The following GOLGA1 variants were observed in gnomAD, a reference collection of about 807,000 sequenced individuals.
The protein encoded by GOLGA1 is golgin A1.
Under a neutral mutation model 119.7 loss-of-function variants are expected in GOLGA1, and 63 were observed. The observed-to-expected ratio is 0.53, with a 90% CI of 0.43 to 0.65. GOLGA1 has a LOEUF of 0.65. Among genes scored for constraint, GOLGA1 ranks in the 30% least tolerant of loss-of-function variants. The probability of loss-of-function intolerance (pLI) is 0.00; values close to 1 mark genes in which losing one functional copy is unlikely to be tolerated. For synonymous variants in GOLGA1, 318 were observed against 333.4 expected (o/e 0.95, Z 0.50); for missense variants, 798 against 912.8 (o/e 0.87, Z 1.62).
chr9:124,931,432 C>A lies in GOLGA1; in HGVS notation c.136-26G>T. 4 of 1,133,752 alleles carry A rather than the reference C, an allele frequency of 3.5e-6. No homozygotes were observed. In the South Asian group the frequency reaches 4.9e-5, roughly 14 times the overall value. 70.2% of individuals were successfully genotyped at this position (1,133,752 alleles called of 1,614,324 possible). On this transcript the variant is annotated intron_variant, in intron 3 of 22. Coordinates refer to ENST00000373555, the MANE Select transcript of GOLGA1 (RefSeq NM_002077.4). ...CTGTTGAGGTAGACACAAGGAAGGT[C>A]GTATTCATATATGTGTGAGACCACA...
At chr9:124,923,956 A>T (rs942934842) in intron 7 of GOLGA1, among the ~76,000 whole-genome samples, 1 of 152,180 alleles carries the variant, frequency 6.6e-6, no homozygotes, top group African/African-American at 2.4e-5. Flanking sequence ...CCCAGGTTGA[A>T]GTGATTTTCA....
intron 19 of GOLGA1, among the ~76,000 whole-genome samples, chr9:124,883,410 CA>C (rs1223757134): frequency 1.3e-5 from 2 of 152,130 alleles, no homozygotes; most frequent in African/African-American, 4.8e-5. Context: ...CTCAGCCTCC[CA>C]AGTAGCTGGG....
At chr9:124,919,249 T>C (rs1031480538) in intron 10 of GOLGA1, among the ~76,000 whole-genome samples, 3 of 151,908 alleles carry the variant, frequency 2.0e-5, no homozygotes, top group African/African-American at 7.3e-5. Flanking sequence ...AGCAAGACCG[T>C]GTCTCAAAAA....
chr9:124,895,805 AGACCCTCCACAACAGAG>A (rs1564326997), intron 15 of GOLGA1, among the ~76,000 whole-genome samples: 1 of 149,618 alleles, frequency 6.7e-6, no homozygotes, highest in Non-Finnish European at 1.5e-5. Flanking sequence ...TCCCCAACAG[AGACCCTCCACAACAGAG>A]AACCCTCCAC....
In GOLGA1 at chr9:124,881,879, C is replaced by T. The variant is rs890205262; in HGVS notation, c.2041G>A (p.Val681Ile). The T allele has an allele frequency of 8.7e-6, 14 of 1,612,220 alleles. No individual in the cohort carries two copies. Among genetic ancestry groups the T allele is most frequent in the Admixed American group, 3.3e-5 (2 of 59,906 alleles). ...GPEMANMAPS[V>I]TNNTDLTDAR... The stretch of plus-strand genomic sequence containing the variant: ...TCTGTCAGGTCAGTGTTATTCGTGA[C>T]GGAAGGCGCCATGTTTGCCATCTCA... The change falls in exon 21 of 23, where the codon GTC becomes ATC. Residue 681 changes from valine to isoleucine, a missense_variant. Val to Ile is a conservative substitution (Grantham distance 29). Transcript: ENST00000373555. This position sits in a 1 kb window ranked among gnomAD's most constrained non-coding sequence, Gnocchi z 4.9.
intron 16 of GOLGA1, 92 bp from the exon 17 acceptor site, chr9:124,889,628 C>T: frequency 1.2e-6 from 1 of 865,534 alleles, no homozygotes; most frequent in Admixed American, 1.7e-5. Flanking sequence ...CAGGGTACAC[C>T]ACGAATCCCT....
chr9:124,900,026 C>T (rs913966875), intron 13 of GOLGA1: 8 of 182,816 alleles, frequency 4.4e-5, no homozygotes, highest in Non-Finnish European at 8.0e-5. Flanking sequence ...TGGGACATGG[C>T]GAATATGAAA....
chr9:124,937,911 T>C (rs977388852), intron 3 of GOLGA1, among the ~76,000 whole-genome samples: 5 of 151,354 alleles, frequency 3.3e-5, no homozygotes, highest in Non-Finnish European at 7.4e-5. Flanking sequence ...GGTAAAAACC[T>C]GTCTCTACTA....
At chr9:124,892,820 T>C (rs1210487618) in intron 15 of GOLGA1, among the ~76,000 whole-genome samples, 1 of 151,144 alleles carries the variant, frequency 6.6e-6, no homozygotes, top group Non-Finnish European at 1.5e-5. Context: ...TGATCCCAGC[T>C]ACTCAGGAGG....
At chr9:124,908,580 A>G in intron 11 of GOLGA1, 108 bp from the exon 12 acceptor site, 1 of 705,606 alleles carries the variant, frequency 1.4e-6, no homozygotes, top group East Asian at 2.5e-5. Flanking sequence ...AGAGACATGA[A>G]TACATTTTTA....
intron 2 of GOLGA1, among the ~76,000 whole-genome samples, 160 bp downstream of exon 2, chr9:124,939,946 C>T (rs1218567956): frequency 6.6e-6 from 1 of 152,136 alleles, no homozygotes; most frequent in Non-Finnish European, 1.5e-5. Context: ...GTATAAAACA[C>T]TAATATTCTG....
chr9:124,902,458 C>T (rs941592357), intron 12 of GOLGA1, among the ~76,000 whole-genome samples: 4 of 151,092 alleles, frequency 2.6e-5, no homozygotes, highest in Non-Finnish European at 2.9e-5. Flanking sequence ...CTGTATGCAG[C>T]TTGGTGAAGG....
chr9:124,946,290 T>G lies in GOLGA1; in HGVS notation c.-156+1628A>C, dbSNP rs1424867422. The G allele has an allele frequency of 6.6e-6, 1 of 152,232 alleles. No individual in the cohort carries two copies. The highest frequency in any genetic ancestry group is 2.4e-5 in the African/African-American group (1 of 41,456). The allele number at this position is 152,232 out of a possible 1,614,324, so 9.4% of individuals were successfully genotyped here. A position where few individuals can be genotyped will look rare whatever the true frequency, so the allele number is the denominator to read the frequency against. Reference sequence around the variant, plus strand: ...TAATATTTATTCAAGAAAAATGCTGTTATAATTATTTCTGAATTTAATACT... The same window carrying G: ...TAATATTTATTCAAGAAAAATGCTGGTATAATTATTTCTGAATTTAATACT... On this transcript the variant is annotated intron_variant, in intron 1 of 4. Transcript: ENST00000421514. This position sits in a 1 kb window ranked among gnomAD's most constrained non-coding sequence, Gnocchi z 4.0.
Position 124,921,778 on chromosome 9 carries a change from A to T in GOLGA1, c.676T>A (p.Leu226Ile). 6.2e-7 allele frequency: 1 copy of T among 1,613,908 alleles called. No individual in the cohort carries two copies. Among genetic ancestry groups the T allele is most frequent in the Non-Finnish European group, 8.5e-7 (1 of 1,179,744 alleles). The change falls in exon 9 of 23, where the codon TTA becomes ATA. Residue 226 changes from leucine (L) to isoleucine (I), a missense_variant. Coordinates refer to ENST00000373555, the MANE Select transcript of GOLGA1 (RefSeq NM_002077.4). The part of the protein sequence containing the change: ...LMNSNQMSSD[L>I]SQKLEELQRH... ...TGCAATTCTTCTAGCTTCTGGCTTA[A>T]GTCTGATGACATCTGATTGGAGTTC... is the stretch of plus-strand genomic sequence containing the variant.
In GOLGA1 at chr9:124,879,242, T is replaced by G. The variant is rs572869236; in HGVS notation, c.*1288A>C. The G allele has an allele frequency of 7.9e-5, 12 of 152,316 alleles. No individual in the cohort carries two copies. The highest frequency in any genetic ancestry group is 2.4e-4 in the African/African-American group (10 of 41,566). 9.4% of individuals were successfully genotyped at this position (152,316 alleles called of 1,614,324 possible). ...AGTTTTTTATTTAACCAGTGAAACT[T>G]TCATCAAACAATAAACGGTTTCCTT... is the stretch of plus-strand genomic sequence containing the variant. On this transcript the variant is annotated 3_prime_UTR_variant, in exon 23 of 23. Transcript: ENST00000373555.
intron 8 of GOLGA1, 23 bp from the exon 9 acceptor site, chr9:124,921,915 C>T: frequency 6.3e-7 from 1 of 1,599,050 alleles, no homozygotes; most frequent in Non-Finnish European, 8.6e-7. Flanking sequence ...TACAAAGTTT[C>T]ATTGGGCTAT....
chr9:124,901,272 ATTT>A (rs35565039), intron 12 of GOLGA1, among the ~76,000 whole-genome samples: 11 of 109,988 alleles, frequency 1.0e-4, no homozygotes, highest in Non-Finnish European at 1.1e-4. Context: ...TGCCCGGCCT[ATTT>A]TTTTTTTTTT....
chr9:124,943,491 AAT>A (rs1415160302), upstream of GOLGA1: 1 of 152,232 alleles, frequency 6.6e-6, no homozygotes. Context: ...TTACATGAAA[AAT>A]ATTGTGCTTC....
Position 124,926,759 on chromosome 9 carries a change from A to G in GOLGA1, c.400-18T>C. On this transcript the variant is annotated intron_variant, in intron 6 of 22. Coordinates refer to ENST00000373555, the MANE Select transcript of GOLGA1 (RefSeq NM_002077.4). ...GACCATTCCTAAAACAAAACAATAA[A>G]AAAGTATGGTTTCCAGTGAAGAGTA... 6.7e-7 allele frequency: 1 copy of G among 1,490,092 alleles called. No individual in the cohort carries two copies. The highest frequency in any genetic ancestry group is 9.3e-7 in the Non-Finnish European group (1 of 1,079,742). 92.3% of individuals were successfully genotyped at this position (1,490,092 alleles called of 1,614,324 possible). A position where few individuals can be genotyped will look rare whatever the true frequency, so the allele number is the denominator to read the frequency against.
Sources: allele counts gnomAD v4.1 joint callset (sites outside exome capture counted in the v4.1 genomes callset), GRCh38; gene constraint gnomAD v4.1.1; non-coding constraint Gnocchi (gnomAD v3.1); transcripts MANE v1.5; gene names NCBI Gene and HGNC (gene_info 2026-07-23, HGNC 2026-07-21).